The following KHDRBS2 variants were observed in gnomAD, a reference collection of about 807,000 sequenced individuals.
The protein encoded by KHDRBS2 is KH RNA binding domain containing, signal transduction associated 2.
KHDRBS2 carries 26 observed loss-of-function variants against 44.3 expected under a neutral mutation model. The observed-to-expected ratio is 0.59, with a 90% CI of 0.43 to 0.81. KHDRBS2 has a LOEUF of 0.81. KHDRBS2 is among the 40% of genes least tolerant of loss of function. The probability of loss-of-function intolerance (pLI) is 0.00; values close to 1 mark genes in which losing one functional copy is unlikely to be tolerated. For missense variants in KHDRBS2, 476 were observed against 433.1 expected (o/e 1.10, Z -0.88); for synonymous variants, 194 against 151.1 (o/e 1.28, Z -2.08).
At chr6:61,935,591 C>A (rs967662079) in intron 4 of KHDRBS2, among the ~76,000 whole-genome samples, 2 of 152,102 alleles carry the variant, frequency 1.3e-5, no homozygotes, top group Non-Finnish European at 2.9e-5. Context: ...AGAAATTATG[C>A]ACATTACTCT....
intron 6 of KHDRBS2, among the ~76,000 whole-genome samples, chr6:61,868,842 G>C (rs1306916100): frequency 1.3e-5 from 2 of 152,292 alleles, no homozygotes; most frequent in Non-Finnish European, 2.9e-5. Flanking sequence ...GCTTGCCTGA[G>C]TTGCAGTCGC....
rs1183873991 is a variant in KHDRBS2, at chr6:62,214,128, G to A, written c.92-36816C>T. Among the ~76,000 whole-genome samples the A allele has an allele frequency of 2.0e-5, 3 of 151,952 alleles. No homozygotes were observed. The East Asian group carries it at 5.8e-4, about 29-fold the overall frequency. On this transcript the variant is annotated intron_variant, in intron 1 of 8. Coordinates refer to ENST00000281156, the MANE Select transcript of KHDRBS2 (RefSeq NM_152688.4). ...TTCAAATCTTTCTGATGCTTCACTT[G>A]TTTACTCTTGAGATTTGATTTATAT...
At chr6:62,281,410 C>T (rs1247705205) in intron 1 of KHDRBS2, among the ~76,000 whole-genome samples, 5 of 151,894 alleles carry the variant, frequency 3.3e-5, no homozygotes, top group East Asian at 1.9e-4. Flanking sequence ...TCACAAAATT[C>T]GGAGTTTGAG....
intron 3 of KHDRBS2, among the ~76,000 whole-genome samples, chr6:61,995,793 A>C (rs964724474): frequency 7.7e-4 from 118 of 152,290 alleles, no homozygotes; most frequent in African/African-American, 2.8e-3. Flanking sequence ...TAGTTTATAA[A>C]ATGTATCTGT....
At chr6:62,033,847 G>A (rs180920446) in intron 3 of KHDRBS2, among the ~76,000 whole-genome samples, 1 of 151,428 alleles carries the variant, frequency 6.6e-6, no homozygotes, top group East Asian at 1.9e-4. Flanking sequence ...GAAATAAGAA[G>A]TTGGTTTTTT....
chr6:61,896,395 T>C (rs76100858), intron 5 of KHDRBS2, among the ~76,000 whole-genome samples: 2 of 152,216 alleles, frequency 1.3e-5, no homozygotes, highest in African/African-American at 2.4e-5. Flanking sequence ...TATTTTTTTT[T>C]CTAATGAGTA....
intron 3 of KHDRBS2, among the ~76,000 whole-genome samples, chr6:62,040,098 C>G (rs988134053): frequency 2.0e-5 from 3 of 152,032 alleles, no homozygotes; most frequent in African/African-American, 7.2e-5. Context: ...CTCTTGGCAG[C>G]CTTTTATTTG....
chr6:61,806,635 GATTTCCCAA>G (rs60810895), intron 6 of KHDRBS2, among the ~76,000 whole-genome samples: 95,877 of 150,974 alleles, frequency 0.64, 31,167 homozygotes, highest in African/African-American at 0.79. Context: ...ATACGGGTCT[GATTTCCCAA>G]ATTTCCCAAA....
At chr6:61,708,426 G>A (rs1354442438) in intron 7 of KHDRBS2, among the ~76,000 whole-genome samples, 1 of 151,376 alleles carries the variant, frequency 6.6e-6, no homozygotes, top group South Asian at 2.1e-4. Context: ...ACATCTCTCT[G>A]TGCTCAAATA....
At chr6:62,125,722 T>A (rs557112779) in intron 2 of KHDRBS2, among the ~76,000 whole-genome samples, 120 of 152,214 alleles carry the variant, frequency 7.9e-4, no homozygotes, top group African/African-American at 2.8e-3. Context: ...TTGGATGTCA[T>A]TTCTAGACAT....
intron 4 of KHDRBS2, among the ~76,000 whole-genome samples, chr6:61,915,314 T>TG (rs1349800728): frequency 6.6e-6 from 1 of 151,982 alleles, no homozygotes. Context: ...GAATTCAAGT[T>TG]TTGCTATTAA....
At chr6:61,550,766 CTTT>C in the KHDRBS2 span, among the ~76,000 whole-genome samples, 2 of 117,038 alleles carry the variant, frequency 1.7e-5, no homozygotes, top group African/African-American at 6.8e-5. Flanking sequence ...GAGATGGTAT[CTTT>C]TTTTTTTTTT....
In KHDRBS2 at chr6:62,250,831, A is replaced by C. The variant is rs78697335; in HGVS notation, c.91+35027T>G. ...TTATTTCTATTTAAAAAGGGGTGAT[A>C]AAATGTATTCTTCAAAAATATCAGT... On this transcript the variant is annotated intron_variant, in intron 1 of 8. Transcript: ENST00000281156. Among the ~76,000 whole-genome samples, 228 of 152,152 alleles carry C rather than the reference A, an allele frequency of 1.5e-3. 1 individual carries two copies. The highest frequency in any genetic ancestry group is 5.3e-3 in the African/African-American group (221 of 41,562).
chr6:61,817,696 G>GT (rs1789204283), intron 6 of KHDRBS2, among the ~76,000 whole-genome samples: 1 of 151,962 alleles, frequency 6.6e-6, no homozygotes, highest in African/African-American at 2.4e-5. Context: ...TAAAGCTGTG[G>GT]TTTTGTATAC....
intron 3 of KHDRBS2, among the ~76,000 whole-genome samples, chr6:62,012,823 G>C (rs749318832): frequency 9.9e-5 from 15 of 152,108 alleles, no homozygotes; most frequent in Non-Finnish European, 1.8e-4. Flanking sequence ...AACATACATA[G>C]CACTACTCAC....
chr6:62,173,870 T>C (rs1345270771), intron 2 of KHDRBS2, among the ~76,000 whole-genome samples: 1 of 152,004 alleles, frequency 6.6e-6, no homozygotes, highest in Admixed American at 6.6e-5. Flanking sequence ...CATCCCTTCA[T>C]GTTAAAAACC....
chr6:62,199,379 C>A (rs1826416765), intron 1 of KHDRBS2, among the ~76,000 whole-genome samples: 1 of 152,186 alleles, frequency 6.6e-6, no homozygotes, highest in Non-Finnish European at 1.5e-5. Flanking sequence ...TGATAGGCAA[C>A]ATCAGCAAAG....
chr6:61,992,711 A>G (rs1046119388), intron 3 of KHDRBS2, among the ~76,000 whole-genome samples: 2 of 152,166 alleles, frequency 1.3e-5, no homozygotes, highest in African/African-American at 2.4e-5. Flanking sequence ...AACATGTATA[A>G]TCTCTACACA....
chr6:62,149,415 T>C (rs956045888), intron 2 of KHDRBS2, among the ~76,000 whole-genome samples: 4 of 152,090 alleles, frequency 2.6e-5, no homozygotes, highest in African/African-American at 9.7e-5. Context: ...TTCTGAAGTC[T>C]AGAGCAACAG....
Sources: allele counts gnomAD v4.1 joint callset (sites outside exome capture counted in the v4.1 genomes callset), GRCh38; gene constraint gnomAD v4.1.1; transcripts MANE v1.5; gene names NCBI Gene and HGNC (gene_info 2026-07-23, HGNC 2026-07-21).